The following ADAM19 variants were observed in gnomAD, a reference collection of about 807,000 sequenced individuals.
The protein encoded by ADAM19 is disintegrin and metalloproteinase domain-containing protein 19.
Under a neutral mutation model 114.7 loss-of-function variants are expected in ADAM19, and 65 were observed. The ratio of observed to expected loss-of-function variants is 0.57; its 90% confidence interval spans 0.46 to 0.70. The LOEUF is 0.70. Among genes scored for constraint, ADAM19 ranks in the 30% least tolerant of loss-of-function variants. The pLI, the probability that ADAM19 is intolerant of heterozygous loss-of-function variation, is 0.00. For synonymous variants in ADAM19, 466 were observed against 460.5 expected (o/e 1.01, Z -0.15); for missense variants, 1,063 against 1,204.7 (o/e 0.88, Z 1.74).
intron 21 of ADAM19, among the ~76,000 whole-genome samples, chr5:157,487,112 G>A (rs1754963415): frequency 6.6e-6 from 1 of 152,098 alleles, no homozygotes; most frequent in Non-Finnish European, 1.5e-5. Context: ...CTGTTTTGAA[G>A]CCACCCAGTG....
In ADAM19 at chr5:157,524,579, C is replaced by T. The variant is rs1468335239; in HGVS notation, c.408-4548G>A. 2.0e-5 allele frequency among the ~76,000 whole-genome samples: 3 copies of T among 152,332 alleles called. No homozygotes were observed. In the East Asian group the frequency reaches 5.8e-4, roughly 29 times the overall value. On this transcript the variant is annotated intron_variant, in intron 5 of 22. Transcript: ENST00000257527. ...TACCCAGAGGTGCCCTAAAAAGTAA[C>T]TACCCTGCTACCCTTCTTTCCTCTC...
Position 157,480,053 on chromosome 5 carries a change from G to C in ADAM19, c.*896C>G, listed in dbSNP as rs941279795. The C allele has an allele frequency of 8.1e-6, 8 of 985,898 alleles. No individual in the cohort carries two copies. The Admixed American group carries it at 4.9e-4, about 61-fold the overall frequency. 61.1% of individuals were successfully genotyped at this position (985,898 alleles called of 1,614,324 possible). On this transcript the variant is annotated 3_prime_UTR_variant, in exon 23 of 23. Transcript: ENST00000257527. ...CGACTGTGAGAGAGGACTCTGACTT[G>C]TAGGTCACAAGCACCTGGTCACCCG... is the stretch of plus-strand genomic sequence containing the variant.
intron 11 of ADAM19, among the ~76,000 whole-genome samples, chr5:157,504,562 T>C (rs183831345): frequency 3.3e-5 from 5 of 152,114 alleles, no homozygotes; most frequent in African/African-American, 1.2e-4. Flanking sequence ...ACATCATCCT[T>C]TCCATGTCAC....
chr5:157,555,403 T>C (rs1757339774), intron 3 of ADAM19, among the ~76,000 whole-genome samples: 1 of 152,186 alleles, frequency 6.6e-6, no homozygotes, highest in African/African-American at 2.4e-5. Context: ...AGACAGAGCA[T>C]CAGAGAACAT....
chr5:157,558,648 T>C (rs1041957252), intron 3 of ADAM19, among the ~76,000 whole-genome samples: 1 of 152,164 alleles, frequency 6.6e-6, no homozygotes, highest in Non-Finnish European at 1.5e-5. Context: ...AGGTAAGATG[T>C]TAAAGTCTAC....
chr5:157,520,059 G>T (rs1561541246), intron 5 of ADAM19, 28 bp from the exon 6 acceptor site: 2 of 1,584,266 alleles, frequency 1.3e-6, no homozygotes, highest in Admixed American at 1.8e-5. Flanking sequence ...AGAATCTCTG[G>T]TCAAAGATTA....
intron 1 of ADAM19, among the ~76,000 whole-genome samples, chr5:157,573,258 A>G (rs1172817127): frequency 6.6e-6 from 1 of 152,240 alleles, no homozygotes; most frequent in Non-Finnish European, 1.5e-5. Context: ...GGCAAGAGCA[A>G]GCAAGATGTC....
At chr5:157,484,516 C>T (rs570542528) in intron 21 of ADAM19, among the ~76,000 whole-genome samples, 5 of 152,322 alleles carry the variant, frequency 3.3e-5, no homozygotes, top group Admixed American at 2.6e-4. Flanking sequence ...CTCCCCTTGA[C>T]TTCCTTCCCT....
In ADAM19 at chr5:157,489,176, T is replaced by C; in HGVS notation, c.2251A>G (p.Arg751Gly). 6.2e-7 allele frequency: 1 copy of C among 1,613,592 alleles called. No individual in the cohort carries two copies. The highest frequency in any genetic ancestry group is 8.5e-7 in the Non-Finnish European group (1 of 1,179,564). The change falls in exon 20 of 23, where the codon AGG (arginine) becomes GGG (glycine). Residue 751 changes from arginine (R) to glycine (G), a missense_variant. Transcript: ENST00000257527. ...CCAGTCCCGCTGTTCTGAGAAACCC[T>C]GAAGGGACAACTAGAAACAAGAAAT... is the stretch of plus-strand genomic sequence containing the variant. ...KLRQQFSCPF[R>G]VSQNSGTGHA...
intron 12 of ADAM19, among the ~76,000 whole-genome samples, 196 bp from the exon 13 acceptor site, chr5:157,499,858 A>G (rs1257196425): frequency 2.7e-5 from 4 of 148,430 alleles, no homozygotes; most frequent in Non-Finnish European, 5.9e-5. Context: ...GGGTCACTGC[A>G]ACCTCTGCTT....
At chr5:157,531,555 T>C (rs892744140) in intron 4 of ADAM19, among the ~76,000 whole-genome samples, 1 of 151,874 alleles carries the variant, frequency 6.6e-6, no homozygotes, top group Admixed American at 6.6e-5. Context: ...TAATCCCAGC[T>C]ACTCGGGAGG....
At chr5:157,506,715 T>C (rs551833796) in intron 10 of ADAM19, among the ~76,000 whole-genome samples, 1 of 152,298 alleles carries the variant, frequency 6.6e-6, no homozygotes, top group African/African-American at 2.4e-5. Flanking sequence ...ATGACATATA[T>C]AACAGCACAC....
intron 3 of ADAM19, among the ~76,000 whole-genome samples, chr5:157,559,784 AT>A (rs1757462638): frequency 6.6e-6 from 1 of 152,046 alleles, no homozygotes; most frequent in East Asian, 1.9e-4. Context: ...CCCTTCTTGT[AT>A]TTTCTGTTGC....
intron 3 of ADAM19, among the ~76,000 whole-genome samples, chr5:157,553,477 G>A (rs1173022316): frequency 6.6e-6 from 1 of 152,142 alleles, no homozygotes; most frequent in Non-Finnish European, 1.5e-5. Flanking sequence ...AATGTGAAAT[G>A]GTACATTCAA....
intron 16 of ADAM19, among the ~76,000 whole-genome samples, 185 bp from the exon 17 acceptor site, chr5:157,492,097 G>A (rs981277675): frequency 1.3e-5 from 2 of 152,116 alleles, no homozygotes; most frequent in Non-Finnish European, 2.9e-5. Flanking sequence ...TTCAAGACCA[G>A]CCTGGCCAAC....
intron 3 of ADAM19, 30 bp downstream of exon 3, chr5:157,564,343 T>C: frequency 6.2e-7 from 1 of 1,607,970 alleles, no homozygotes; most frequent in South Asian, 1.1e-5. Context: ...GTTATTTGTT[T>C]CATTTTAGAC....
chr5:157,490,085 T>C (rs1755097337), intron 19 of ADAM19, among the ~76,000 whole-genome samples: 4 of 152,206 alleles, frequency 2.6e-5, no homozygotes, highest in Admixed American at 6.5e-5. Flanking sequence ...GGGGATATTC[T>C]GCTGAGAAGA....
In ADAM19 at chr5:157,497,045, A is replaced by G. The variant is rs1292493712; in HGVS notation, c.1443T>C (p.Cys481=). The change falls in exon 14 of 23, where the codon TGT becomes TGC. Residue 481 remains cysteine (C), a synonymous_variant. Coordinates refer to ENST00000257527, the MANE Select transcript of ADAM19 (RefSeq NM_033274.5). ...GTLCREQARQ[C]DLPEFCTGKS... ...TGCCCGTACAGAACTCCGGGAGGTC[A>G]CACTGCCTGGCCTGCTCGCGGCACA... 1 of 1,572,720 alleles carries G rather than the reference A, an allele frequency of 6.4e-7. No individual in the cohort carries two copies. The highest frequency in any genetic ancestry group is 1.4e-5 in the African/African-American group (1 of 72,080).
In ADAM19 at chr5:157,503,261, A is replaced by C. The variant is rs141779987; in HGVS notation, c.1131-281T>G. 2.6e-3 allele frequency among the ~76,000 whole-genome samples: 396 copies of C among 152,316 alleles called. 5 individuals are homozygous for C. Among genetic ancestry groups the C allele is most frequent in the African/African-American group, 9.0e-3 (373 of 41,572 alleles). ...GCAAGGACAGAAAACCAAACACCGG[A>C]TGTTCTCACTCATAGGTGGGAACTG... On this transcript the variant is annotated intron_variant, in intron 11 of 22. Coordinates refer to ENST00000257527, the MANE Select transcript of ADAM19 (RefSeq NM_033274.5).
Sources: allele counts gnomAD v4.1 joint callset (sites outside exome capture counted in the v4.1 genomes callset), GRCh38; gene constraint gnomAD v4.1.1; transcripts MANE v1.5; gene names NCBI Gene and HGNC (gene_info 2026-07-23, HGNC 2026-07-21).